Variants in PMM1 observed in about 807,000 individuals in gnomAD.
PMM1 encodes the protein brain glucose-1,6-bisphosphatase.
A neutral mutation model predicts 34.0 loss-of-function variants in PMM1; 25 were observed. That is an observed-to-expected ratio of 0.73 (90% CI 0.54 to 1.03). PMM1 has a LOEUF of 1.03. Ranked by LOEUF, PMM1 falls within the 50% of genes least tolerant of loss-of-function variation. The pLI is 0.00. For synonymous variants in PMM1, 134 were observed against 143.9 expected (o/e 0.93, Z 0.49); for missense variants, 321 against 350.1 (o/e 0.92, Z 0.66).
rs777170367 is a variant in PMM1, at chr22:41,578,791, G to A, written c.550+15C>T. On this transcript the variant is annotated intron_variant, in intron 6 of 7. Coordinates refer to ENST00000216259, the MANE Select transcript of PMM1 (RefSeq NM_002676.3). ...CTGTACCAGGCCTCCCAGGTCCTCT[G>A]CAGGGTGGACGTACCTCGAGAGAAC... 16 of 1,610,456 alleles carry A rather than the reference G, an allele frequency of 9.9e-6. No homozygotes were observed. The East Asian group carries it at 3.6e-4, about 36-fold the overall frequency.
At chr22:41,586,443 G>A in intron 1 of PMM1, 1 of 576,960 alleles carries the variant, frequency 1.7e-6, no homozygotes, top group Non-Finnish European at 2.7e-6. Context: ...AGGCAGCAAA[G>A]GAAGACATTG....
chr22:41,586,122 G>A lies in PMM1; in HGVS notation c.159C>T (p.Gly53=), dbSNP rs746388113. The part of the protein sequence containing the change: ...RSRVQIGVVG[G]SDYCKIAEQL... ...GCTCAGCGATCTTACAGTAGTCAGA[G>A]CCGCCCACCACACCGATCTGCACTC... The change falls in exon 2 of 8, where the codon GGC becomes GGT. Residue 53 remains glycine, a synonymous_variant. Transcript: ENST00000216259. 2 of 1,609,380 alleles carry A rather than the reference G, an allele frequency of 1.2e-6. No individual in the cohort carries two copies. The highest frequency in any genetic ancestry group is 1.7e-5 in the Admixed American group (1 of 59,528).
chr22:41,589,087 C>G lies in PMM1; in HGVS notation c.87+632G>C, dbSNP rs778918418. 31 of 1,303,814 alleles carry G rather than the reference C, an allele frequency of 2.4e-5. No individual in the cohort carries two copies. In the South Asian group the frequency reaches 3.8e-4, roughly 16 times the overall value. The allele number at this position is 1,303,814 out of a possible 1,614,324, so 80.8% of individuals were successfully genotyped here. A position where few individuals can be genotyped will look rare whatever the true frequency, so the allele number is the denominator to read the frequency against. On this transcript the variant is annotated intron_variant, in intron 1 of 7. Coordinates refer to ENST00000216259, the MANE Select transcript of PMM1 (RefSeq NM_002676.3). ...CCTCAGTGTCCTCACAGCAAACAGG[C>G]TAGGCCTGGAGCCTCTCACATCCGG... is the stretch of plus-strand genomic sequence containing the variant.
chr22:41,588,165 C>T (rs1459119870), intron 1 of PMM1, among the ~76,000 whole-genome samples: 1 of 152,248 alleles, frequency 6.6e-6, no homozygotes, highest in Non-Finnish European at 1.5e-5. Context: ...ATTCTCCTGC[C>T]TCTGCCTCCC....
At chr22:41,584,394 C>G (rs2067283460) in intron 3 of PMM1, 22 bp from the exon 4 acceptor site, 1 of 1,610,268 alleles carries the variant, frequency 6.2e-7, no homozygotes, top group African/African-American at 1.3e-5. Flanking sequence ...ACACAGGGCT[C>G]TGAGCGTGGC....
At position 41,577,427 on chromosome 22, in the gene PMM1, A is replaced by C; in HGVS notation, c.680T>G (p.Phe227Cys). The part of the protein sequence containing the change: ...GNETSPGGND[F>C]EIFADPRTVG... ...AGTCCGGGGGTCGGCAAAGATCTCA[A>C]AGTCGTTCCCACCCTGCACACAGAG... Residue 227 changes from phenylalanine (F) to cysteine (C), a missense_variant, in exon 8 of 8, where the codon TTT (phenylalanine) becomes TGT (cysteine). Transcript: ENST00000216259. The C allele has an allele frequency of 4.3e-6, 7 of 1,611,608 alleles. No homozygotes were observed. Among genetic ancestry groups the C allele is most frequent in the Non-Finnish European group, 5.9e-6 (7 of 1,179,834 alleles).
Position 41,589,706 on chromosome 22 carries a change from T to C in PMM1, c.87+13A>G. 1 of 1,607,296 alleles carries C rather than the reference T, an allele frequency of 6.2e-7. No individual in the cohort carries two copies. Among genetic ancestry groups the C allele is most frequent in the Admixed American group, 1.7e-5 (1 of 59,568 alleles). ...ACACTCCCGGTGGGAGCTTCCAATC[T>C]TCAGGGTCCTACCTGGCGAGCCGGC... On this transcript the variant is annotated intron_variant, in intron 1 of 7. Transcript: ENST00000216259.
intron 5 of PMM1, chr22:41,580,775 G>T (rs1487615574): frequency 6.6e-6 from 1 of 152,106 alleles, no homozygotes; most frequent in Non-Finnish European, 1.5e-5. Context: ...TTGAGGCCAG[G>T]GATTTGAGAC....
At chr22:41,580,191 T>C (rs1179094820) in intron 5 of PMM1, 2 of 152,318 alleles carry the variant, frequency 1.3e-5, no homozygotes, top group Non-Finnish European at 2.9e-5. Context: ...ACCGGCACTG[T>C]GACCTCGAGC....
Position 41,583,979 on chromosome 22 carries a change from C to G in PMM1, c.454G>C (p.Glu152Gln), listed in dbSNP as rs756613097. The change falls in exon 5 of 8, where the codon GAG (glutamate) becomes CAG (glutamine). Residue 152 changes from glutamate (E) to glutamine (Q), a missense_variant. Glu to Gln is a conservative substitution (Grantham distance 29). Transcript: ENST00000216259. ...GGTACCTTGTCCAGTTCGGAGAACT[C>G]GATCCTCTCCTCCAGGGTGCAGCTC... ...GRSCTLEERI[E>Q]FSELDKKEKI... The G allele has an allele frequency of 6.8e-6, 11 of 1,612,380 alleles. No individual in the cohort carries two copies. Among genetic ancestry groups the G allele is most frequent in the South Asian group, 1.1e-5 (1 of 91,046 alleles).
At chr22:41,588,252 C>T (rs1483363680) in intron 1 of PMM1, among the ~76,000 whole-genome samples, 1 of 151,332 alleles carries the variant, frequency 6.6e-6, no homozygotes, top group Non-Finnish European at 1.5e-5. Flanking sequence ...CTGAGTCTCC[C>T]TCTGTCGCCC....
At chr22:41,581,672 G>A (rs1219166351) in intron 5 of PMM1, among the ~76,000 whole-genome samples, 3 of 151,708 alleles carry the variant, frequency 2.0e-5, no homozygotes, top group Non-Finnish European at 2.9e-5. Flanking sequence ...TGGGCAACAC[G>A]GTGAAACCCC....
At position 41,586,213 on chromosome 22, in the gene PMM1, G is replaced by A. The variant is rs2067306138; in HGVS notation, c.88-20C>T. The A allele has an allele frequency of 6.2e-7, 1 of 1,603,320 alleles. No homozygotes were observed. Among genetic ancestry groups the A allele is most frequent in the East Asian group, 2.2e-5 (1 of 44,760 alleles). ...AATTTTCTATGGGGGGAGAGGGGAA[G>A]CATAGCATTCTGGCTTTCAACATGT... On this transcript the variant is annotated intron_variant, in intron 1 of 7. Coordinates refer to ENST00000216259, the MANE Select transcript of PMM1 (RefSeq NM_002676.3).
intron 1 of PMM1, chr22:41,586,439 C>T: frequency 1.7e-6 from 1 of 579,868 alleles, no homozygotes; most frequent in Non-Finnish European, 2.7e-6. Flanking sequence ...GCCTAGGCAG[C>T]AAAGGAAGAC....
intron 1 of PMM1, chr22:41,588,627 T>C (rs1169283582): frequency 3.0e-6 from 3 of 984,914 alleles, no homozygotes. Flanking sequence ...AGTGCTGGGA[T>C]TACAGGCGTG....
Position 41,577,327 on chromosome 22 carries a change from A to T in PMM1, c.780T>A (p.His260Gln), listed in dbSNP as rs1300317141. The change falls in exon 8 of 8, where the codon CAT becomes CAA. Residue 260 changes from histidine to glutamine, a missense_variant. Physicochemically the swap from His to Gln is conservative, Grantham distance 24. Transcript: ENST00000216259. ...CREIFFPETAHEA is the reference protein window; with the variant it reads ...CREIFFPETAQEA ...CAGATGTGGGCCCCGGTCACGCCTCATGAGCTGTCTCTGGGAAGAAAATCT... is the reference window on the plus strand; with the variant it reads ...CAGATGTGGGCCCCGGTCACGCCTCTTGAGCTGTCTCTGGGAAGAAAATCT... 6.2e-7 allele frequency: 1 copy of T among 1,613,044 alleles called. No individual in the cohort carries two copies.
At position 41,583,950 on chromosome 22, in the gene PMM1, T is replaced by C. The variant is rs766556357; in HGVS notation, c.474+9A>G. On this transcript the variant is annotated intron_variant, in intron 5 of 7. Coordinates refer to ENST00000216259, the MANE Select transcript of PMM1 (RefSeq NM_002676.3). ...CCCTACAGGCCTAAGATTGCATAGC[T>C]AGTGGTACCTTGTCCAGTTCGGAGA... The C allele has an allele frequency of 1.2e-5, 19 of 1,562,996 alleles. No individual in the cohort carries two copies. In the East Asian group the frequency reaches 4.0e-4, roughly 33 times the overall value.
At chr22:41,585,314 G>A (rs961318748) in intron 2 of PMM1, 1 of 152,148 alleles carries the variant, frequency 6.6e-6, no homozygotes, top group African/African-American at 2.4e-5. Flanking sequence ...GGGGCTCTGA[G>A]GTCCAGTCGA....
chr22:41,577,725 G>A (rs2067190253), intron 7 of PMM1, 83 bp downstream of exon 7: 1 of 1,055,480 alleles, frequency 9.5e-7, no homozygotes, highest in Non-Finnish European at 1.5e-6. Flanking sequence ...CTTGACCTCA[G>A]GTGATTTGCA....
Sources: allele counts gnomAD v4.1 joint callset (sites outside exome capture counted in the v4.1 genomes callset), GRCh38; gene constraint gnomAD v4.1.1; transcripts MANE v1.5; gene names NCBI Gene and HGNC (gene_info 2026-07-23, HGNC 2026-07-21).